ZSWIM5: variants seen among roughly 807,000 people sequenced by gnomAD.
The protein encoded by ZSWIM5 is zinc finger SWIM-type containing 5.
A neutral mutation model predicts 119.6 loss-of-function variants in ZSWIM5; 55 were observed. The ratio of observed to expected loss-of-function variants is 0.46; its 90% confidence interval spans 0.37 to 0.58. The LOEUF (loss-of-function observed/expected upper bound fraction) is 0.58. ZSWIM5 is among the 20% of genes least tolerant of loss of function. The pLI is 0.00. For missense variants in ZSWIM5, 1,193 were observed against 1,512.8 expected (o/e 0.79, Z 3.51); for synonymous variants, 537 against 606.9 (o/e 0.88, Z 1.69).
chr1:45,152,687 G>T (rs1645804408), intron 1 of ZSWIM5, among the ~76,000 whole-genome samples: 1 of 152,102 alleles, frequency 6.6e-6, no homozygotes, highest in Non-Finnish European at 1.5e-5. Flanking sequence ...TCTGGATGCT[G>T]GCCTTGGGAA....
intron 1 of ZSWIM5, among the ~76,000 whole-genome samples, chr1:45,164,339 A>G (rs1256872434): frequency 6.6e-6 from 1 of 152,120 alleles, no homozygotes; most frequent in Admixed American, 6.6e-5. Flanking sequence ...ATGGAAAGGA[A>G]CAACCGGTAC....
rs145543390 is a variant in ZSWIM5 at position 45,019,343 on chromosome 1, G to A, written c.2696-27C>T. On this transcript the variant is annotated intron_variant, in intron 13 of 13. Transcript: ENST00000359600. The surrounding 1 kb of genome is among the most constrained non-coding windows in gnomAD (Gnocchi z 5.0). ...TGTCAGGGGGAGCCTGAGCTCAGCC[G>A]TGGCCATCTGGGTCCTGATTCAGGT... is the stretch of plus-strand genomic sequence containing the variant. 8.0e-5 allele frequency: 128 copies of A among 1,590,606 alleles called. No homozygotes were observed. The East Asian group carries it at 2.1e-3, about 26-fold the overall frequency.
intron 2 of ZSWIM5, among the ~76,000 whole-genome samples, chr1:45,062,886 A>G (rs566525849): frequency 1.3e-5 from 2 of 152,270 alleles, no homozygotes; most frequent in Admixed American, 6.5e-5. Flanking sequence ...ATACTGTGTG[A>G]TGCTGAGGTT....
intron 1 of ZSWIM5, among the ~76,000 whole-genome samples, chr1:45,183,909 A>G (rs1646039679): frequency 6.6e-6 from 1 of 152,254 alleles, no homozygotes; most frequent in Non-Finnish European, 1.5e-5. Flanking sequence ...TGAGGCCAGC[A>G]TCATCCTGAT....
intron 1 of ZSWIM5, among the ~76,000 whole-genome samples, chr1:45,198,602 A>G (rs570026703): frequency 4.6e-5 from 7 of 152,292 alleles, no homozygotes; most frequent in African/African-American, 1.7e-4. Flanking sequence ...CATTCCTCTC[A>G]TCAAACAAGG....
chr1:45,195,230 A>T (rs1477201646), intron 1 of ZSWIM5, among the ~76,000 whole-genome samples: 1 of 152,152 alleles, frequency 6.6e-6, no homozygotes, highest in Non-Finnish European at 1.5e-5. Context: ...TAAAAAATTT[A>T]AAGTTTTTGT....
At chr1:45,087,761 G>A in intron 2 of ZSWIM5, 120 bp downstream of exon 2, 1 of 722,732 alleles carries the variant, frequency 1.4e-6, no homozygotes, top group Non-Finnish European at 2.3e-6. Context: ...GATTGCAACT[G>A]CAGAAATATC....
chr1:45,116,340 G>A (rs1450537025), intron 1 of ZSWIM5, among the ~76,000 whole-genome samples: 4 of 152,094 alleles, frequency 2.6e-5, no homozygotes, highest in Non-Finnish European at 5.9e-5. Flanking sequence ...CTATCGATAC[G>A]GTTGTCAGTT....
At chr1:45,185,253 GA>G (rs1331776695) in intron 1 of ZSWIM5, among the ~76,000 whole-genome samples, 1 of 150,608 alleles carries the variant, frequency 6.6e-6, no homozygotes, top group Non-Finnish European at 1.5e-5. Flanking sequence ...ATTAATTCAA[GA>G]TGGATTAAAG....
intron 11 of ZSWIM5, among the ~76,000 whole-genome samples, chr1:45,023,830 G>T (rs1228184800): frequency 6.6e-6 from 1 of 152,162 alleles, no homozygotes; most frequent in South Asian, 2.1e-4. Context: ...ATTCCCACCA[G>T]AAATGAATAA....
intron 2 of ZSWIM5, among the ~76,000 whole-genome samples, chr1:45,076,411 T>C (rs931746505): frequency 6.6e-5 from 10 of 152,200 alleles, no homozygotes; most frequent in Non-Finnish European, 1.5e-4. Context: ...CAAAGTTTTT[T>C]TCCTTCACTT....
At chr1:45,125,129 A>G (rs1182056366) in intron 1 of ZSWIM5, among the ~76,000 whole-genome samples, 3 of 152,276 alleles carry the variant, frequency 2.0e-5, no homozygotes, top group Non-Finnish European at 4.4e-5. Context: ...GCAAAGCAGA[A>G]TAAACATTGT....
intron 2 of ZSWIM5, among the ~76,000 whole-genome samples, chr1:45,074,701 T>C (rs1645246150): frequency 6.6e-6 from 1 of 151,942 alleles, no homozygotes; most frequent in Non-Finnish European, 1.5e-5. Flanking sequence ...TTTTGTATTG[T>C]TTTCATTTCA....
chr1:45,165,540 A>G lies in ZSWIM5; in HGVS notation c.595+40216T>C, dbSNP rs191395511. Among the ~76,000 whole-genome samples the G allele has an allele frequency of 4.6e-3, 699 of 152,208 alleles. 10 individuals are homozygous for G. Among genetic ancestry groups the G allele is most frequent in the African/African-American group, 0.016 (658 of 41,554 alleles). The stretch of plus-strand genomic sequence containing the variant: ...AATGAATCCAGGAGCTGGTTTTTTG[A>G]AAAGATCAACAAAATTGATAGACCA... On this transcript the variant is annotated intron_variant, in intron 1 of 13. Coordinates refer to ENST00000359600, the MANE Select transcript of ZSWIM5 (RefSeq NM_020883.2).
chr1:45,066,604 G>T (rs1645185358), intron 2 of ZSWIM5, among the ~76,000 whole-genome samples: 2 of 152,120 alleles, frequency 1.3e-5, no homozygotes, highest in Admixed American at 1.3e-4. Context: ...AGGGAGGGAG[G>T]ATAGAAATAG....
chr1:45,143,600 C>A (rs542386528), intron 1 of ZSWIM5, among the ~76,000 whole-genome samples: 1 of 150,786 alleles, frequency 6.6e-6, no homozygotes, highest in South Asian at 2.1e-4. Context: ...TTTCTAATAT[C>A]GGGAATAAGG....
chr1:45,157,360 G>A (rs970846150), intron 1 of ZSWIM5, among the ~76,000 whole-genome samples: 12 of 152,058 alleles, frequency 7.9e-5, no homozygotes, highest in African/African-American at 2.4e-4. Flanking sequence ...GTTGCTGGTA[G>A]AGACAAGGTC....
chr1:45,125,398 A>C (rs963703413), intron 1 of ZSWIM5, among the ~76,000 whole-genome samples: 1 of 152,210 alleles, frequency 6.6e-6, no homozygotes, highest in East Asian at 1.9e-4. Flanking sequence ...AACTGAATAA[A>C]AATGAAAATA....
At chr1:45,058,423 G>T (rs1187762225) in intron 4 of ZSWIM5, among the ~76,000 whole-genome samples, 186 bp downstream of exon 4, 2 of 152,234 alleles carry the variant, frequency 1.3e-5, no homozygotes, top group African/African-American at 4.8e-5. Context: ...CAATAGCAAA[G>T]CACAATGCTG....
Sources: gnomAD v4.1 joint callset for allele counts (sites outside exome capture counted in the v4.1 genomes callset) on GRCh38, gnomAD v4.1.1 for gene constraint, Gnocchi (gnomAD v3.1) non-coding constraint, MANE v1.5 for transcripts, NCBI Gene and HGNC (gene_info 2026-07-23, HGNC 2026-07-21) for gene names.